FRMPD4: variants seen among roughly 807,000 people sequenced by gnomAD.
FRMPD4 encodes the protein FERM and PDZ domain containing 4.
FRMPD4 carries 22 observed loss-of-function variants against 94.1 expected under a neutral mutation model. The observed-to-expected ratio is 0.23, with a 90% CI of 0.17 to 0.33. FRMPD4 has a LOEUF of 0.33. FRMPD4 is among the 10% of genes least tolerant of loss of function. The pLI is 1.00. For missense variants in FRMPD4, 1,111 were observed against 1,339.9 expected (o/e 0.83, Z 2.67); for synonymous variants, 631 against 548.6 (o/e 1.15, Z -2.10).
intron 3 of FRMPD4, among the ~76,000 whole-genome samples, chrX:12,058,482 A>C (rs889439380): frequency 3.6e-5 from 4 of 110,909 alleles, no homozygotes; most frequent in African/African-American, 1.3e-4. Context: ...AACAAGAGTC[A>C]ATCATAAAAT....
intron 1 of FRMPD4, among the ~76,000 whole-genome samples, chrX:12,161,078 GCTA>G (rs1480843965): frequency 9.0e-6 from 1 of 111,152 alleles, no homozygotes; most frequent in East Asian, 2.8e-4. Flanking sequence ...TGCTGCTGCT[GCTA>G]CTACTACTAT....
intron 2 of FRMPD4, among the ~76,000 whole-genome samples, chrX:12,518,825 GCACACACA>G (rs757932325): frequency 9.3e-6 from 1 of 107,751 alleles, no homozygotes; most frequent in Non-Finnish European, 1.9e-5. Context: ...GTGCGCGCGT[GCACACACA>G]CACACACACA....
chrX:12,630,694 C>T, intron 4 of FRMPD4, among the ~76,000 whole-genome samples: 1 of 111,853 alleles, frequency 8.9e-6, no homozygotes, highest in Middle Eastern at 4.7e-3. Context: ...GTGGCTTGCA[C>T]TCATATTTTT....
intron 3 of FRMPD4, among the ~76,000 whole-genome samples, chrX:12,048,981 T>A (rs1286171424): frequency 8.9e-6 from 1 of 111,854 alleles, no homozygotes; most frequent in Non-Finnish European, 1.9e-5. Flanking sequence ...TCTTTTTTGG[T>A]TACATATGAA....
chrX:11,829,211 A>G (rs747564545), intron 1 of FRMPD4, among the ~76,000 whole-genome samples: 1 of 111,966 alleles, frequency 8.9e-6, no homozygotes, highest in Non-Finnish European at 1.9e-5. Context: ...GTTTGACCAA[A>G]CATTTGGGTA....
rs538137495 is a variant in FRMPD4 at position 12,068,805 on chromosome X, T to C, written c.95+190787T>C. Among the ~76,000 whole-genome samples, 27 of 112,218 alleles carry C rather than the reference T, an allele frequency of 2.4e-4. No individual in the cohort carries two copies. In the South Asian group the frequency reaches 9.3e-3, roughly 39 times the overall value. On this transcript the variant is annotated intron_variant, in intron 3 of 18. Coordinates refer to the FRMPD4 transcript ENST00000640291. ...ATTAAAACAGAGCACTCTATATAAATACCCATTAAGTAACAAATGTAATGT... is the reference window on the plus strand; with the variant it reads ...ATTAAAACAGAGCACTCTATATAAACACCCATTAAGTAACAAATGTAATGT...
At chrX:11,920,639 C>T (rs1204647534) in intron 3 of FRMPD4, among the ~76,000 whole-genome samples, 2 of 112,346 alleles carry the variant, frequency 1.8e-5, no homozygotes, top group Non-Finnish European at 3.8e-5. Context: ...CTCTCATTTG[C>T]TTCTCACAGC....
intron 1 of FRMPD4, among the ~76,000 whole-genome samples, chrX:11,850,274 A>G (rs2053613208): frequency 8.9e-6 from 1 of 112,521 alleles, no homozygotes; most frequent in African/African-American, 3.2e-5. Flanking sequence ...AAAGAAACAA[A>G]CAAAAAACAG....
chrX:11,897,365 G>A lies in FRMPD4; in HGVS notation c.95+19347G>A, dbSNP rs760040103. ...GGGTGATAATGGTCCTTATTTCTTA[G>A]ACATAATACTGATATATTTACGAAT... On this transcript the variant is annotated intron_variant, in intron 3 of 18. Coordinates refer to the FRMPD4 transcript ENST00000640291. Among the ~76,000 whole-genome samples, 5 of 110,851 alleles carry A rather than the reference G, an allele frequency of 4.5e-5. No individual in the cohort carries two copies. The Admixed American group carries it at 4.8e-4, about 11-fold the overall frequency.
chrX:12,167,943 TA>T (rs777059599), intron 1 of FRMPD4, among the ~76,000 whole-genome samples: 8 of 110,753 alleles, frequency 7.2e-5, no homozygotes, highest in Admixed American at 9.7e-5. Context: ...GGGGTTGGGG[TA>T]AGGACAATTG....
At chrX:12,706,787 C>A in intron 11 of FRMPD4, 39 bp from the exon 12 acceptor site, 1 of 714,816 alleles carries the variant, frequency 1.4e-6, no homozygotes, top group Non-Finnish European at 2.2e-6. Context: ...GAGTCATACC[C>A]AATAGAGTTA....
At chrX:12,580,359 C>A (rs2058852250) in intron 2 of FRMPD4, among the ~76,000 whole-genome samples, 1 of 111,926 alleles carries the variant, frequency 8.9e-6, no homozygotes, top group African/African-American at 3.3e-5. Context: ...ATTCTCTGTA[C>A]AGTAGTCTCC....
At chrX:12,333,928 T>C (rs1347196814) in intron 1 of FRMPD4, among the ~76,000 whole-genome samples, 1 of 112,168 alleles carries the variant, frequency 8.9e-6, no homozygotes, top group African/African-American at 3.2e-5. Flanking sequence ...AGGTGCATCT[T>C]GTAGAGATTA....
chrX:12,506,347 G>T (rs2057985136), intron 2 of FRMPD4, among the ~76,000 whole-genome samples: 1 of 111,376 alleles, frequency 9.0e-6, no homozygotes, highest in Non-Finnish European at 1.9e-5. Flanking sequence ...GGAGTGCAAT[G>T]ACACGATCTC....
intron 2 of FRMPD4, among the ~76,000 whole-genome samples, chrX:12,545,337 C>T (rs925747343): frequency 9.0e-6 from 1 of 110,549 alleles, no homozygotes. Flanking sequence ...CCAGTGTGAC[C>T]CAAGGGAGCC....
rs753870727 is a variant in FRMPD4, at chrX:12,709,991, G to A, written c.1471-408G>A. Among the ~76,000 whole-genome samples the A allele has an allele frequency of 1.4e-4, 16 of 110,771 alleles. No homozygotes were observed. In the South Asian group the frequency reaches 2.0e-3, roughly 14 times the overall value. ...AAAAATACAAAAATTAGCCTGGCGC[G>A]GTGGTGCATGCCTGTGATCCCAACT... On this transcript the variant is annotated intron_variant, in intron 13 of 16. Coordinates refer to ENST00000675598, the MANE Select transcript of FRMPD4 (RefSeq NM_001368397.1).
chrX:12,273,909 GT>G (rs2054391990), intron 1 of FRMPD4, among the ~76,000 whole-genome samples: 3 of 111,964 alleles, frequency 2.7e-5, no homozygotes, highest in Non-Finnish European at 5.6e-5. Flanking sequence ...TTCCACAGGG[GT>G]GACATTATTT....
chrX:11,857,678 A>G (rs1258119439), intron 1 of FRMPD4, among the ~76,000 whole-genome samples: 1 of 113,087 alleles, frequency 8.8e-6, no homozygotes, highest in Non-Finnish European at 1.9e-5. Flanking sequence ...TGACAATGCT[A>G]AAAGCAATCG....
At chrX:12,383,862 C>T (rs754830161) in intron 1 of FRMPD4, among the ~76,000 whole-genome samples, 4 of 111,658 alleles carry the variant, frequency 3.6e-5, no homozygotes, top group South Asian at 3.8e-4. Context: ...AAGAAGTCTA[C>T]GGAGCCTCGT....
Sources: allele counts gnomAD v4.1 joint callset (sites outside exome capture counted in the v4.1 genomes callset), GRCh38; gene constraint gnomAD v4.1.1; transcripts MANE v1.5; gene names NCBI Gene and HGNC (gene_info 2026-07-23, HGNC 2026-07-21).